Variants in PPFIA2 observed in about 807,000 individuals in gnomAD.
PPFIA2 encodes PPFI scaffold protein A2, also known as liprin-alpha-2.
PPFIA2 carries 46 observed loss-of-function variants against 175.5 expected under a neutral mutation model. The ratio of observed to expected loss-of-function variants is 0.26; its 90% CI spans 0.21 to 0.34. The LOEUF (loss-of-function observed/expected upper bound fraction) is 0.34, where lower values mean the gene tolerates loss of function less well. Among genes scored for constraint, PPFIA2 ranks in the 10% least tolerant of loss-of-function variants. The pLI is 1.00. For missense variants in PPFIA2, 1,179 were observed against 1,506.1 expected (o/e 0.78, Z 3.60); for synonymous variants, 568 against 511.4 (o/e 1.11, Z -1.49).
At chr12:81,318,884 A>C (rs907092806) in intron 22 of PPFIA2, among the ~76,000 whole-genome samples, 3 of 151,702 alleles carry the variant, frequency 2.0e-5, no homozygotes, top group Non-Finnish European at 4.4e-5. Context: ...AGAACTACCT[A>C]ATTCAAATAT....
At chr12:81,495,358 A>C (rs1440263235) in intron 4 of PPFIA2, among the ~76,000 whole-genome samples, 5 of 152,100 alleles carry the variant, frequency 3.3e-5, no homozygotes, top group African/African-American at 1.2e-4. Flanking sequence ...AAAAAACATA[A>C]ATTCTTCTTT....
rs545183498 is a variant in PPFIA2 at position 81,432,463 on chromosome 12, C to CT, written c.645+7508dup. Among the ~76,000 whole-genome samples the CT allele has an allele frequency of 3.2e-3, 430 of 132,766 alleles. 1 individual carries two copies. Among genetic ancestry groups the CT allele is most frequent in the South Asian group, 9.2e-3 (38 of 4,120 alleles). The allele number at this position is 132,766 out of a possible 152,430, so 87.1% of individuals were successfully genotyped here. A position where few individuals can be genotyped will look rare whatever the true frequency, so the allele number is the denominator to read the frequency against. ...ATACTGGCCTTCGGAGCAGAACTAA[C>CT]TTTTTTTTTTTTTTTTTTTCAATAC... On this transcript the variant is annotated intron_variant, in intron 7 of 32. Coordinates refer to ENST00000549396, the MANE Select transcript of PPFIA2 (RefSeq NM_003625.5).
At chr12:81,598,074 T>C (rs1323643391) in intron 4 of PPFIA2, 4 of 1,534,070 alleles carry the variant, frequency 2.6e-6, no homozygotes, top group East Asian at 2.4e-5. Flanking sequence ...GAGCTACAGA[T>C]GCAGAGCAGA....
intron 4 of PPFIA2, among the ~76,000 whole-genome samples, chr12:81,595,697 A>C (rs1567505152): frequency 6.6e-6 from 1 of 152,162 alleles, no homozygotes; most frequent in Non-Finnish European, 1.5e-5. Context: ...TGTACTAAGA[A>C]TATCCTTCAA....
chr12:81,723,278 GAC>G (rs1048850532), intron 3 of PPFIA2, among the ~76,000 whole-genome samples: 4 of 151,082 alleles, frequency 2.6e-5, no homozygotes, highest in African/African-American at 9.7e-5. Context: ...AGATAAAGGG[GAC>G]ACAGTTTGCC....
At chr12:81,276,078 C>G (rs1030338958) in intron 28 of PPFIA2, among the ~76,000 whole-genome samples, 2 of 152,174 alleles carry the variant, frequency 1.3e-5, no homozygotes, top group African/African-American at 4.8e-5. Flanking sequence ...GCCACAGCAC[C>G]TGGCCTTTTT....
intron 11 of PPFIA2, among the ~76,000 whole-genome samples, chr12:81,373,813 A>G (rs1244391130): frequency 6.6e-6 from 1 of 152,052 alleles, no homozygotes; most frequent in Non-Finnish European, 1.5e-5. Flanking sequence ...TACCTATCAT[A>G]CTCACTTATT....
intron 4 of PPFIA2, among the ~76,000 whole-genome samples, chr12:81,563,433 G>T (rs2070624119): frequency 6.6e-6 from 1 of 152,144 alleles, no homozygotes; most frequent in Admixed American, 6.5e-5. Flanking sequence ...TGCTTTTCAA[G>T]TGGAAAAGCT....
chr12:81,709,257 G>A (rs2077582629), intron 3 of PPFIA2, among the ~76,000 whole-genome samples: 1 of 152,048 alleles, frequency 6.6e-6, no homozygotes, highest in Non-Finnish European at 1.5e-5. Flanking sequence ...TTAAGTCTCA[G>A]TTCAAAGACA....
chr12:81,274,254 T>C (rs2039931922), intron 28 of PPFIA2, among the ~76,000 whole-genome samples: 1 of 152,172 alleles, frequency 6.6e-6, no homozygotes, highest in African/African-American at 2.4e-5. Flanking sequence ...ATGCTCTCAA[T>C]AATAAAAAAT....
At chr12:81,335,172 A>G (rs1409482015) in intron 21 of PPFIA2, among the ~76,000 whole-genome samples, 1 of 152,174 alleles carries the variant, frequency 6.6e-6, no homozygotes, top group African/African-American at 2.4e-5. Flanking sequence ...ATATTTGGAG[A>G]TAATGGCAAG....
At chr12:81,656,188 C>T (rs867558958) in intron 4 of PPFIA2, among the ~76,000 whole-genome samples, 1 of 151,960 alleles carries the variant, frequency 6.6e-6, no homozygotes, top group Admixed American at 6.6e-5. Context: ...CTGCTCTTCT[C>T]GAGGAGTATC....
chr12:81,669,574 A>G (rs1265554031), intron 4 of PPFIA2, among the ~76,000 whole-genome samples: 1 of 152,142 alleles, frequency 6.6e-6, no homozygotes, highest in East Asian at 1.9e-4. Flanking sequence ...TGTTCACGGA[A>G]AACTCTGTTA....
chr12:81,339,258 C>T lies in PPFIA2; in HGVS notation c.2470G>A (p.Ala824Thr), dbSNP rs776298922. ...ANSSQDSLHKAPKKKGIKSSI... is the reference protein window; with the variant it reads ...ANSSQDSLHKTPKKKGIKSSI... Reference sequence around the variant, plus strand: ...GACTTGATTCCTTTCTTCTTGGGGGCTTTGTGAAGAGAGTCTTGGCTGCTG... The same window carrying T: ...GACTTGATTCCTTTCTTCTTGGGGGTTTTGTGAAGAGAGTCTTGGCTGCTG... The change falls in exon 21 of 33, where the codon GCC becomes ACC. Residue 824 changes from alanine (A) to threonine (T), a missense_variant. Ala to Thr is a moderately conservative substitution (Grantham distance 58). Around this residue, in one of 10 missense-constraint regions of PPFIA2, gnomAD observed 223 missense variants for 241.6 expected, o/e 0.92. Coordinates refer to ENST00000549396, the MANE Select transcript of PPFIA2 (RefSeq NM_003625.5). The T allele has an allele frequency of 8.1e-6, 13 of 1,610,720 alleles. No individual in the cohort carries two copies. The Admixed American group carries it at 1.0e-4, about 12-fold the overall frequency.
chr12:81,349,419 T>G (rs1474084213), intron 17 of PPFIA2, among the ~76,000 whole-genome samples: 1 of 152,208 alleles, frequency 6.6e-6, no homozygotes, highest in Admixed American at 6.5e-5. Flanking sequence ...ACATGAATTC[T>G]GTTACTCTCA....
intron 8 of PPFIA2, among the ~76,000 whole-genome samples, chr12:81,399,635 C>A (rs1313164618): frequency 6.6e-6 from 1 of 152,096 alleles, no homozygotes; most frequent in Non-Finnish European, 1.5e-5. Context: ...CTTTTGGTCC[C>A]TTTTCTAGCC....
intron 4 of PPFIA2, among the ~76,000 whole-genome samples, chr12:81,541,778 T>C (rs765359886): frequency 5.3e-5 from 8 of 152,138 alleles, no homozygotes; most frequent in Non-Finnish European, 7.4e-5. Context: ...GGAGTTGACT[T>C]GTTCCAGGCT....
intron 4 of PPFIA2, among the ~76,000 whole-genome samples, chr12:81,485,259 T>A (rs770901581): frequency 1.6e-4 from 25 of 151,992 alleles, no homozygotes; most frequent in Non-Finnish European, 2.8e-4. Flanking sequence ...CTCATTTTAT[T>A]TTAGTTGTTC....
intron 4 of PPFIA2, among the ~76,000 whole-genome samples, chr12:81,582,811 A>G (rs1374832344): frequency 6.6e-6 from 1 of 151,882 alleles, no homozygotes; most frequent in Non-Finnish European, 1.5e-5. Context: ...CATATGATGA[A>G]ATGTCCTGGG....
Sources: gnomAD v4.1 joint callset for allele counts (sites outside exome capture counted in the v4.1 genomes callset) on GRCh38, gnomAD v4.1.1 for gene constraint, gnomAD v4.1.1 regional missense constraint, MANE v1.5 for transcripts, NCBI Gene and HGNC (gene_info 2026-07-23, HGNC 2026-07-21) for gene names.